Variants in GPHN observed in about 807,000 individuals in gnomAD.
GPHN encodes the protein gephyrin.
GPHN carries 17 observed loss-of-function variants against 95.5 expected under a neutral mutation model. The ratio of observed to expected loss-of-function variants is 0.18; its 90% CI spans 0.12 to 0.27. The LOEUF is 0.27. GPHN is among the 10% of genes least tolerant of loss of function. The pLI is 1.00. For synonymous variants in GPHN, 320 were observed against 322.5 expected, an observed-to-expected ratio of 0.99 and a Z score of 0.08; for missense variants, 660 against 978.1, an observed-to-expected ratio of 0.67 and a Z score of 4.34.
At chr14:67,331,053 T>C in the GPHN span, among the ~76,000 whole-genome samples, 5 of 152,246 alleles carry the variant, frequency 3.3e-5, 1 homozygote, top group South Asian at 1.0e-3. Flanking sequence ...GATATTTCTT[T>C]CTTTTTTTTG....
At chr14:66,805,484 G>T (rs2060509387) in intron 3 of GPHN, among the ~76,000 whole-genome samples, 1 of 152,082 alleles carries the variant, frequency 6.6e-6, no homozygotes, top group Non-Finnish European at 1.5e-5. Flanking sequence ...GAAATCCACA[G>T]TCCAAAGTCT....
the GPHN span, chr14:67,348,952 A>T: frequency 2.3e-6 from 3 of 1,282,006 alleles, no homozygotes; most frequent in Non-Finnish European, 3.3e-6. Context: ...AAACTAGGAC[A>T]TTAAGATCTT....
chr14:67,408,462 A>C, the GPHN span, among the ~76,000 whole-genome samples: 3 of 152,218 alleles, frequency 2.0e-5, no homozygotes, highest in African/African-American at 7.2e-5. Context: ...GTGTGATGTT[A>C]TTTGAAAATA....
the GPHN span, among the ~76,000 whole-genome samples, chr14:67,640,528 C>T: frequency 2.6e-5 from 4 of 152,134 alleles, no homozygotes; most frequent in African/African-American, 4.8e-5. Context: ...AGTTTGGGTT[C>T]AAGAGGTAGA....
At chr14:67,047,324 G>A (rs1208911962) in intron 10 of GPHN, among the ~76,000 whole-genome samples, 1 of 120,638 alleles carries the variant, frequency 8.3e-6, no homozygotes, top group Non-Finnish European at 1.8e-5. Flanking sequence ...TATTTTGTGT[G>A]TGTGTGTGTT....
At chr14:66,530,245 G>A (rs1187368098) in intron 1 of GPHN, among the ~76,000 whole-genome samples, 5 of 152,232 alleles carry the variant, frequency 3.3e-5, no homozygotes, top group African/African-American at 4.8e-5. Flanking sequence ...TGTTTACACC[G>A]TGAGGGGAAA....
At chr14:66,795,006 C>G (rs1186220364) in intron 3 of GPHN, among the ~76,000 whole-genome samples, 1 of 152,056 alleles carries the variant, frequency 6.6e-6, no homozygotes, top group Non-Finnish European at 1.5e-5. Flanking sequence ...TCTCTGGAGG[C>G]TGAGGCAGGA....
chr14:66,513,371 A>G (rs1250052077), intron 1 of GPHN, among the ~76,000 whole-genome samples: 1 of 151,828 alleles, frequency 6.6e-6, no homozygotes, highest in Non-Finnish European at 1.5e-5. Flanking sequence ...GCAGGCATAT[A>G]GTGGAAAGTC....
chr14:67,639,954 G>A, the GPHN span, among the ~76,000 whole-genome samples: 32 of 143,274 alleles, frequency 2.2e-4, 2 homozygotes, highest in Admixed American at 1.8e-3. Context: ...AAAAAAGTCT[G>A]TGCAGTCCAG....
Position 67,028,570 on chromosome 14 carries a change from G to A in GPHN, c.1006+4895G>A, listed in dbSNP as rs930568740. Among the ~76,000 whole-genome samples, 6 of 151,846 alleles carry A rather than the reference G, an allele frequency of 4.0e-5. No homozygotes were observed. The South Asian group carries it at 6.3e-4, about 16-fold the overall frequency. On this transcript the variant is annotated intron_variant, in intron 10 of 22. Transcript: ENST00000478722. ...TATAGTAGCCATTCTAACTGGAGCC[G>A]GATTATATTTCATTATGGTTTTGAT...
intron 8 of GPHN, among the ~76,000 whole-genome samples, chr14:66,962,913 TTA>T (rs573770694): frequency 3.2e-4 from 49 of 151,972 alleles, no homozygotes; most frequent in Non-Finnish European, 6.2e-4. Flanking sequence ...TGTTTGATAA[TTA>T]AGCCAGCATA....
At chr14:67,716,230 C>A in the GPHN span, among the ~76,000 whole-genome samples, 7 of 151,178 alleles carry the variant, frequency 4.6e-5, no homozygotes, top group South Asian at 1.5e-3. Flanking sequence ...AAAGAAATTG[C>A]CTAACTAAGT....
intron 11 of GPHN, among the ~76,000 whole-genome samples, chr14:67,086,748 C>T (rs942995262): frequency 4.7e-5 from 7 of 149,740 alleles, no homozygotes; most frequent in Admixed American, 6.7e-5. Context: ...TGTATTTAAA[C>T]GTCTCTTCCG....
intron 1 of GPHN, among the ~76,000 whole-genome samples, chr14:66,525,838 G>A (rs572719066): frequency 1.2e-3 from 188 of 152,116 alleles, no homozygotes; most frequent in South Asian, 3.5e-3. Context: ...CTGTTCCATC[G>A]GTTTATATAT....
Position 66,568,207 on chromosome 14 carries a change from G to A in GPHN, c.64+59616G>A, listed in dbSNP as rs112082953. Among the ~76,000 whole-genome samples, 554 of 152,228 alleles carry A rather than the reference G, an allele frequency of 3.6e-3. 12 individuals are homozygous for A. The highest frequency in any genetic ancestry group is 0.013 in the African/African-American group (528 of 41,556). The stretch of plus-strand genomic sequence containing the variant: ...AGAAAATTTGTAGAATGTTAATGAA[G>A]CTACAGTAGGAAATAAATAAATGTT... On this transcript the variant is annotated intron_variant, in intron 1 of 22. Coordinates refer to ENST00000478722, the MANE Select transcript of GPHN (RefSeq NM_020806.5).
chr14:67,542,703 A>AT, the GPHN span, among the ~76,000 whole-genome samples: 5 of 151,380 alleles, frequency 3.3e-5, no homozygotes, highest in East Asian at 9.7e-4. Context: ...ATTTTATTTT[A>AT]TTTATTCATT....
At chr14:66,687,704 G>A (rs1183218607) in intron 2 of GPHN, among the ~76,000 whole-genome samples, 1 of 151,934 alleles carries the variant, frequency 6.6e-6, no homozygotes, top group African/African-American at 2.4e-5. Context: ...GTTCAGGCTG[G>A]TCTCTAACTC....
At chr14:67,323,232 C>CGTGTGTGTGTGTGT in the GPHN span, among the ~76,000 whole-genome samples, 419 of 143,598 alleles carry the variant, frequency 2.9e-3, 4 homozygotes, top group African/African-American at 0.011. Flanking sequence ...CATATATACA[C>CGTGTGTGTGTGTGT]GTGTGTGTGT....
rs80008165 is a variant in GPHN, at chr14:66,795,805, C to T, written c.201+19284C>T. ...ACATCATGGAAATGGGGTATCAATCCCCTCAAGCATTAATCCTTGCTGTTA... is the reference window on the plus strand; with the variant it reads ...ACATCATGGAAATGGGGTATCAATCTCCTCAAGCATTAATCCTTGCTGTTA... On this transcript the variant is annotated intron_variant, in intron 3 of 22. Coordinates refer to ENST00000478722, the MANE Select transcript of GPHN (RefSeq NM_020806.5). Among the ~76,000 whole-genome samples the T allele has an allele frequency of 4.3e-4, 66 of 152,162 alleles. 1 individual carries two copies. In the East Asian group the frequency reaches 0.013, roughly 29 times the overall value.
Sources: allele counts gnomAD v4.1 joint callset (sites outside exome capture counted in the v4.1 genomes callset), GRCh38; gene constraint gnomAD v4.1.1; transcripts MANE v1.5; gene names NCBI Gene and HGNC (gene_info 2026-07-23, HGNC 2026-07-21).